ZDHHC17: variants seen among roughly 807,000 people sequenced by gnomAD.
ZDHHC17 encodes the protein zDHHC palmitoyltransferase 17.
ZDHHC17 carries 40 observed loss-of-function variants against 90.3 expected under a neutral mutation model. That is an observed-to-expected ratio of 0.44 (90% CI 0.34 to 0.58). The LOEUF (loss-of-function observed/expected upper bound fraction) is 0.58. ZDHHC17 is among the 20% of genes least tolerant of loss of function. ZDHHC17 has a pLI of 0.01. For missense variants in ZDHHC17, 614 were observed against 780.8 expected (o/e 0.79, Z 2.55); for synonymous variants, 235 against 252.4 (o/e 0.93, Z 0.65).
intron 10 of ZDHHC17, chr12:76,840,870 A>G (rs2137801453): frequency 6.6e-6 from 1 of 152,284 alleles, no homozygotes; most frequent in African/African-American, 2.4e-5. Context: ...ATTTATTTAC[A>G]TGTTACGTTG....
intron 1 of ZDHHC17, among the ~76,000 whole-genome samples, chr12:76,780,037 T>G (rs1952604347): frequency 6.6e-6 from 1 of 152,224 alleles, no homozygotes; most frequent in Non-Finnish European, 1.5e-5. Context: ...CTACACAGTC[T>G]TGATTACTAT....
intron 1 of ZDHHC17, among the ~76,000 whole-genome samples, chr12:76,784,855 A>G (rs971661536): frequency 6.6e-6 from 1 of 152,232 alleles, no homozygotes; most frequent in South Asian, 2.1e-4. Flanking sequence ...ACTCAAAGCA[A>G]AAGCAAAAAT....
chr12:76,840,333 C>T (rs553165091), intron 10 of ZDHHC17: 176 of 150,186 alleles, frequency 1.2e-3, no homozygotes, highest in African/African-American at 4.0e-3. Flanking sequence ...GTGCCTATTT[C>T]CATTAATTTT....
At chr12:76,792,734 T>C (rs1433851250) in intron 1 of ZDHHC17, among the ~76,000 whole-genome samples, 1 of 152,164 alleles carries the variant, frequency 6.6e-6, no homozygotes, top group Non-Finnish European at 1.5e-5. Context: ...TAAAAAAATA[T>C]ATGAAATCAT....
intron 8 of ZDHHC17, among the ~76,000 whole-genome samples, chr12:76,824,808 A>T (rs1592489429): frequency 6.6e-6 from 1 of 151,278 alleles, no homozygotes; most frequent in African/African-American, 2.4e-5. Context: ...ATGCCACTGC[A>T]CTCCAGCCTG....
At chr12:76,828,549 T>C (rs1592491547) in intron 10 of ZDHHC17, 59 bp downstream of exon 10, 1 of 1,470,966 alleles carries the variant, frequency 6.8e-7, no homozygotes, top group East Asian at 2.3e-5. Flanking sequence ...TTTGAATAGA[T>C]GTTTAATAAT....
chr12:76,822,550 ATTTTTTTTT>A lies in ZDHHC17; in HGVS notation c.897+32_897+40del, dbSNP rs10618043. On this transcript the variant is annotated intron_variant, in intron 8 of 16. Transcript: ENST00000426126. ...TGATAAGGTAAACTCATAACTGAAG[ATTTTTTTTT>A]TTTTTTTTTTTTGAGACGGAGTTTC... The A allele has an allele frequency of 2.5e-6, 3 of 1,215,516 alleles. No homozygotes were observed. Among genetic ancestry groups the A allele is most frequent in the African/African-American group, 3.6e-5 (2 of 55,324 alleles). The allele number at this position is 1,215,516 out of a possible 1,614,324, so 75.3% of individuals were successfully genotyped here.
intron 1 of ZDHHC17, among the ~76,000 whole-genome samples, chr12:76,796,686 A>G (rs1952822997): frequency 6.6e-6 from 1 of 152,192 alleles, no homozygotes; most frequent in South Asian, 2.1e-4. Context: ...TAGAAAAATA[A>G]TATCCATAGG....
At chr12:76,794,909 A>G (rs1031404976) in intron 1 of ZDHHC17, among the ~76,000 whole-genome samples, 1 of 152,218 alleles carries the variant, frequency 6.6e-6, no homozygotes, top group Non-Finnish European at 1.5e-5. Context: ...TGTCCATAGT[A>G]AAAAAGAATA....
In ZDHHC17 at chr12:76,764,918, TACACTC is replaced by T. The variant is rs879260623; in HGVS notation, c.93+593_93+598del. On this transcript the variant is annotated intron_variant, in intron 1 of 16. Coordinates refer to ENST00000426126, the MANE Select transcript of ZDHHC17 (RefSeq NM_015336.4). Reference sequence around the variant, plus strand: ...AGGTAAAAACTTTTGGGAATAGACTTACACTCACATTAGCTTGTCAAAGTACCGTTT... The same window carrying T: ...AGGTAAAAACTTTTGGGAATAGACTTACATTAGCTTGTCAAAGTACCGTTT... 7.1e-5 allele frequency: 32 copies of T among 452,920 alleles called. No homozygotes were observed. In the Middle Eastern group the frequency reaches 2.3e-3, roughly 32 times the overall value. The allele number at this position is 452,920 out of a possible 1,614,324, so 28.1% of individuals were successfully genotyped here.
chr12:76,764,145 G>A lies in ZDHHC17; in HGVS notation c.-92G>A, dbSNP rs1291855943. On this transcript the variant is annotated 5_prime_UTR_variant, in exon 1 of 17. Coordinates refer to ENST00000426126, the MANE Select transcript of ZDHHC17 (RefSeq NM_015336.4). ...GGGGGCAGGAGAAGAAGGAGGAGGA[G>A]GCCCGCGTCGCCTCCGGCGGGGCTC... The A allele has an allele frequency of 5.0e-6, 5 of 999,756 alleles. No homozygotes were observed. Among genetic ancestry groups the A allele is most frequent in the Admixed American group, 2.7e-5 (1 of 36,912 alleles). The allele number at this position is 999,756 out of a possible 1,614,324, so 61.9% of individuals were successfully genotyped here.
At chr12:76,848,440 C>T in intron 15 of ZDHHC17, 50 bp downstream of exon 15, 1 of 1,567,876 alleles carries the variant, frequency 6.4e-7, no homozygotes, top group East Asian at 2.3e-5. Context: ...ACTCTTCCAT[C>T]CTTGCATAAA....
At chr12:76,818,947 A>G (rs1170900151) in intron 7 of ZDHHC17, among the ~76,000 whole-genome samples, 1 of 152,148 alleles carries the variant, frequency 6.6e-6, no homozygotes, top group Non-Finnish European at 1.5e-5. Flanking sequence ...AAAGATGGAG[A>G]TCAGTTAGGC....
intron 6 of ZDHHC17, 27 bp from the exon 7 acceptor site, chr12:76,815,826 GTTGT>G (rs771415323): frequency 2.0e-5 from 29 of 1,419,612 alleles, no homozygotes; most frequent in African/African-American, 6.0e-5. Context: ...GGTTGTTGTT[GTTGT>G]TTGTTTTTTT....
Position 76,851,265 on chromosome 12 carries a change from C to T in ZDHHC17, c.*280C>T, listed in dbSNP as rs559948195. 40 of 356,574 alleles carry T rather than the reference C, an allele frequency of 1.1e-4. No individual in the cohort carries two copies. The highest frequency in any genetic ancestry group is 1.9e-4 in the Non-Finnish European group (37 of 195,754). 22.1% of individuals were successfully genotyped at this position (356,574 alleles called of 1,614,324 possible). ...ACTCAACTTTTGGGTTTTGTTCTCA[C>T]AGTATTTTTCACAAAAAAAGGGTAA... is the stretch of plus-strand genomic sequence containing the variant. On this transcript the variant is annotated 3_prime_UTR_variant, in exon 17 of 17. Coordinates refer to ENST00000426126, the MANE Select transcript of ZDHHC17 (RefSeq NM_015336.4).
At chr12:76,806,602 C>T (rs1409053313) in intron 3 of ZDHHC17, among the ~76,000 whole-genome samples, 2 of 151,982 alleles carry the variant, frequency 1.3e-5, no homozygotes, top group African/African-American at 2.4e-5. Context: ...CTCGAACTCC[C>T]GCCCTCAGGT....
At chr12:76,779,094 G>A (rs954471629) in intron 1 of ZDHHC17, among the ~76,000 whole-genome samples, 2 of 152,186 alleles carry the variant, frequency 1.3e-5, no homozygotes, top group African/African-American at 2.4e-5. Flanking sequence ...AGGGGTTAGA[G>A]CTTCAACATA....
chr12:76,772,407 AT>A (rs1272286599), intron 1 of ZDHHC17, among the ~76,000 whole-genome samples: 1 of 152,134 alleles, frequency 6.6e-6, no homozygotes, highest in Non-Finnish European at 1.5e-5. Context: ...CAGTATGGAC[AT>A]TCTACACTAG....
intron 1 of ZDHHC17, chr12:76,769,150 C>G: frequency 2.8e-6 from 1 of 353,216 alleles, no homozygotes; most frequent in South Asian, 2.0e-5. Flanking sequence ...CCTCAGCCTC[C>G]TGCGTTCAAG....
Sources: allele counts gnomAD v4.1 joint callset (sites outside exome capture counted in the v4.1 genomes callset), GRCh38; gene constraint gnomAD v4.1.1; transcripts MANE v1.5; gene names NCBI Gene and HGNC (gene_info 2026-07-23, HGNC 2026-07-21).